MDGA2: variants seen among roughly 807,000 people sequenced by gnomAD.
MDGA2 encodes MAM domain-containing glycosylphosphatidylinositol anchor protein 2.
MDGA2 carries 40 observed loss-of-function variants against 117.8 expected under a neutral mutation model. The observed-to-expected ratio is 0.34, with a 90% CI of 0.26 to 0.44. The LOEUF (loss-of-function observed/expected upper bound fraction) is 0.44. Ranked by LOEUF, MDGA2 falls within the 20% of genes least tolerant of loss-of-function variation. The probability of loss-of-function intolerance (pLI) is 1.00; values close to 1 mark genes in which losing one functional copy is unlikely to be tolerated. For synonymous variants in MDGA2, 452 were observed against 439.0 expected, an observed-to-expected ratio of 1.03 and a Z score of -0.37; for missense variants, 1,123 against 1,250.6, an observed-to-expected ratio of 0.90 and a Z score of 1.54.
Position 47,456,700 on chromosome 14 carries a change from G to A in MDGA2, c.281-155150C>T, listed in dbSNP as rs376582842. Among the ~76,000 whole-genome samples, 115 of 152,164 alleles carry A rather than the reference G, an allele frequency of 7.6e-4. 1 individual carries two copies. Among genetic ancestry groups the A allele is most frequent in the African/African-American group, 2.7e-3 (111 of 41,530 alleles). Reference sequence around the variant, plus strand: ...GATGTTAGAATGCCCGTTTGTGAGAGATAAATAAATGCACACGATTAAATG... The same window carrying A: ...GATGTTAGAATGCCCGTTTGTGAGAAATAAATAAATGCACACGATTAAATG... On this transcript the variant is annotated intron_variant, in intron 1 of 16. Coordinates refer to ENST00000399232, the MANE Select transcript of MDGA2 (RefSeq NM_001113498.3).
At chr14:47,409,039 G>C (rs1892317932) in intron 1 of MDGA2, among the ~76,000 whole-genome samples, 1 of 152,194 alleles carries the variant, frequency 6.6e-6, no homozygotes, top group Non-Finnish European at 1.5e-5. Flanking sequence ...GAGTGGATTG[G>C]TGGAAGACGG....
intron 2 of MDGA2, among the ~76,000 whole-genome samples, chr14:47,256,472 T>A (rs1887623935): frequency 6.6e-6 from 1 of 152,136 alleles, no homozygotes; most frequent in South Asian, 2.1e-4. Context: ...ATTTCTCTGG[T>A]CCTCCTTACT....
At chr14:46,987,385 T>G (rs1207276236) in intron 8 of MDGA2, among the ~76,000 whole-genome samples, 1 of 152,102 alleles carries the variant, frequency 6.6e-6, no homozygotes, top group Non-Finnish European at 1.5e-5. Context: ...AAATGTCTAA[T>G]GTACAGAATG....
At chr14:46,910,583 T>C (rs1883660488) in intron 10 of MDGA2, among the ~76,000 whole-genome samples, 1 of 152,154 alleles carries the variant, frequency 6.6e-6, no homozygotes, top group South Asian at 2.1e-4. Context: ...AAGGCAAGGA[T>C]GCCCTCTCAC....
chr14:47,527,335 T>C (rs1472158322), intron 1 of MDGA2, among the ~76,000 whole-genome samples: 4 of 152,184 alleles, frequency 2.6e-5, no homozygotes, highest in Non-Finnish European at 5.9e-5. Flanking sequence ...ACAGCCATTG[T>C]TTTGTTGTGT....
At chr14:46,915,254 A>T (rs1883856316) in intron 10 of MDGA2, among the ~76,000 whole-genome samples, 1 of 152,164 alleles carries the variant, frequency 6.6e-6, no homozygotes. Context: ...GATAATATTG[A>T]TATTTAAATG....
chr14:47,621,846 C>G (rs926597417), intron 1 of MDGA2, among the ~76,000 whole-genome samples: 1 of 152,076 alleles, frequency 6.6e-6, no homozygotes, highest in African/African-American at 2.4e-5. Flanking sequence ...ACGTTGTAAG[C>G]GAAAAATAAG....
At chr14:47,254,529 C>T (rs750069331) in intron 2 of MDGA2, among the ~76,000 whole-genome samples, 5 of 152,192 alleles carry the variant, frequency 3.3e-5, no homozygotes, top group Non-Finnish European at 7.3e-5. Context: ...ACGTCATTGT[C>T]CTTATCACTA....
chr14:47,480,640 A>G (rs765555295), intron 1 of MDGA2, among the ~76,000 whole-genome samples: 1 of 151,828 alleles, frequency 6.6e-6, no homozygotes. Context: ...AGTGATGAAG[A>G]TGCACTTCAT....
At chr14:47,038,892 G>C (rs59070909) in intron 7 of MDGA2, among the ~76,000 whole-genome samples, 32,280 of 150,890 alleles carry the variant, frequency 0.21, 3,680 homozygotes, top group African/African-American at 0.29. Context: ...GGAGGCTGCA[G>C]TGAGCCAAGA....
rs1156447273 is a variant in MDGA2, at chr14:46,922,563, G to T, written c.2090-2403C>A. Among the ~76,000 whole-genome samples the T allele has an allele frequency of 2.6e-5, 4 of 152,052 alleles. No individual in the cohort carries two copies. In the East Asian group the frequency reaches 7.7e-4, roughly 29 times the overall value. ...AGGCCATATTTATTAAAAAGAATAA[G>T]GTCTTTCCAAATATAGTATTCATAA... On this transcript the variant is annotated intron_variant, in intron 9 of 16. Transcript: ENST00000399232.
intron 10 of MDGA2, among the ~76,000 whole-genome samples, chr14:46,918,350 G>A (rs555699729): frequency 6.6e-6 from 1 of 152,132 alleles, no homozygotes; most frequent in South Asian, 2.1e-4. Context: ...GGTGTGTAAA[G>A]TCAAGAATCC....
chr14:46,958,465 A>T (rs1885651550), intron 8 of MDGA2, among the ~76,000 whole-genome samples: 1 of 152,178 alleles, frequency 6.6e-6, no homozygotes, highest in South Asian at 2.1e-4. Context: ...GATTTATATG[A>T]TCAAATAATT....
intron 1 of MDGA2, among the ~76,000 whole-genome samples, chr14:47,378,340 G>A (rs1260322405): frequency 6.6e-6 from 1 of 152,166 alleles, no homozygotes; most frequent in African/African-American, 2.4e-5. Context: ...TGCCAGCAAT[G>A]GAACAAAGCT....
chr14:47,423,241 T>G (rs1892615343), intron 1 of MDGA2, among the ~76,000 whole-genome samples: 1 of 152,212 alleles, frequency 6.6e-6, no homozygotes, highest in Non-Finnish European at 1.5e-5. Flanking sequence ...TAAAAATAAT[T>G]AAAAAGTCAA....
At chr14:47,191,419 C>T (rs1156491010) in intron 3 of MDGA2, among the ~76,000 whole-genome samples, 3 of 143,528 alleles carry the variant, frequency 2.1e-5, no homozygotes, top group Admixed American at 1.4e-4. Context: ...TATATATTTA[C>T]ATATATATAT....
intron 4 of MDGA2, among the ~76,000 whole-genome samples, chr14:47,143,403 TATA>T: frequency 6.6e-6 from 1 of 152,344 alleles, no homozygotes; most frequent in East Asian, 1.9e-4. Flanking sequence ...AAAAAACCTT[TATA>T]ATAACAGCAT....
At chr14:47,176,927 T>A (rs1276009949) in intron 3 of MDGA2, among the ~76,000 whole-genome samples, 1 of 152,098 alleles carries the variant, frequency 6.6e-6, no homozygotes, top group East Asian at 1.9e-4. Flanking sequence ...ATGTCCAGAA[T>A]CTACAATGAA....
At position 47,131,865 on chromosome 14, in the gene MDGA2, A is replaced by C; in HGVS notation, c.793-19T>G. On this transcript the variant is annotated intron_variant, in intron 4 of 16. Coordinates refer to ENST00000399232, the MANE Select transcript of MDGA2 (RefSeq NM_001113498.3). ...TTTCACCCTGAAAATGTACACAAAA[A>C]ATAAAAGTCATTAGAAAAAGCCAAC... 6.5e-7 allele frequency: 1 copy of C among 1,538,434 alleles called. No homozygotes were observed. Among genetic ancestry groups the C allele is most frequent in the Non-Finnish European group, 8.9e-7 (1 of 1,128,242 alleles).
Sources: gnomAD v4.1 joint callset for allele counts (sites outside exome capture counted in the v4.1 genomes callset) on GRCh38, gnomAD v4.1.1 for gene constraint, MANE v1.5 for transcripts, NCBI Gene and HGNC (gene_info 2026-07-23, HGNC 2026-07-21) for gene names.